The following KCNQ2 variants were observed in gnomAD, a reference collection of about 807,000 sequenced individuals.
KCNQ2 encodes potassium voltage-gated channel subfamily KQT member 2.
In KCNQ2, 14 loss-of-function variants were observed where a neutral mutation model predicts 84.8. The ratio of observed to expected loss-of-function variants is 0.17; its 90% CI spans 0.11 to 0.26. The LOEUF (loss-of-function observed/expected upper bound fraction) is 0.26. Ranked by LOEUF, KCNQ2 falls within the 10% of genes least tolerant of loss-of-function variation. KCNQ2 has a pLI of 1.00. For missense variants in KCNQ2, 788 were observed against 1,254.0 expected (o/e 0.63, Z 5.61); for synonymous variants, 599 against 554.1 (o/e 1.08, Z -1.14).
intron 4 of KCNQ2, among the ~76,000 whole-genome samples, chr20:63,442,890 T>C (rs370435825): frequency 3.7e-3 from 23 of 6,258 alleles, no homozygotes; most frequent in Non-Finnish European, 4.4e-3. Flanking sequence ...ACCACCACCA[T>C]CACCACCATC....
rs200661919 is a variant in KCNQ2, at chr20:63,442,375, G to A, written c.816+31C>T. ...ACAGGGACAGGGGTGTATCAGCAGG[G>A]AAAGGGAAAACCACAATGACCACAA... On this transcript the variant is annotated intron_variant, in intron 5 of 16. Transcript: ENST00000359125. The A allele has an allele frequency of 2.9e-4, 466 of 1,613,764 alleles. 1 individual carries two copies. The African/African-American group carries it at 5.4e-3, about 19-fold the overall frequency.
chr20:63,472,135 G>A, intron 1 of KCNQ2, 33 bp downstream of exon 1: 2 of 1,448,718 alleles, frequency 1.4e-6, no homozygotes, highest in Non-Finnish European at 1.8e-6. Context: ...GGTCGCCATG[G>A]GGGTCGCCAC....
intron 1 of KCNQ2, among the ~76,000 whole-genome samples, chr20:63,452,861 G>A (rs1034998489): frequency 1.3e-5 from 2 of 151,680 alleles, no homozygotes; most frequent in Non-Finnish European, 2.9e-5. Context: ...ACACAGGCCA[G>A]CCAGAATGCC....
At chr20:63,434,623 C>T (rs1211825971) in intron 7 of KCNQ2, 1 of 152,150 alleles carries the variant, frequency 6.6e-6, no homozygotes, top group Non-Finnish European at 1.5e-5. Context: ...TCCCCCAGGC[C>T]CTGGCCACCG....
rs1283866036 is a variant in KCNQ2, at chr20:63,444,369, G to A, written c.690+290C>T. On this transcript the variant is annotated intron_variant, in intron 4 of 16. Transcript: ENST00000359125. ...CACCCAACCACAGAGCCAAGGGTTC[G>A]CGGCAGGAAGGTGGGGGTGGCAGGG... 4.6e-5 allele frequency among the ~76,000 whole-genome samples: 7 copies of A among 152,218 alleles called. No individual in the cohort carries two copies. In the South Asian group the frequency reaches 8.3e-4, roughly 18 times the overall value.
chr20:63,423,036 G>C (rs2080521822), intron 11 of KCNQ2, among the ~76,000 whole-genome samples: 1 of 152,228 alleles, frequency 6.6e-6, no homozygotes, highest in Non-Finnish European at 1.5e-5. Flanking sequence ...GGGAGGCAGT[G>C]GCAGCACTGG....
rs374013648 is a variant in KCNQ2, at chr20:63,431,693, G to A, written c.1119-324C>T. 8.2e-3 allele frequency among the ~76,000 whole-genome samples: 1,245 copies of A among 152,228 alleles called. 16 individuals carry two copies. The highest frequency in any genetic ancestry group is 0.029 in the African/African-American group (1,191 of 41,498). ...GACTGCAAACATCGAGGACCGCCAAGGGCTCTGGCATCCTCCTCCCAAGTG... is the reference window on the plus strand; with the variant it reads ...GACTGCAAACATCGAGGACCGCCAAAGGCTCTGGCATCCTCCTCCCAAGTG... On this transcript the variant is annotated intron_variant, in intron 8 of 16. Coordinates refer to ENST00000359125, the MANE Select transcript of KCNQ2 (RefSeq NM_172107.4).
chr20:63,438,511 C>A lies in KCNQ2; in HGVS notation c.1023+114G>T. The A allele has an allele frequency of 1.2e-6, 1 of 849,426 alleles. No individual in the cohort carries two copies. The highest frequency in any genetic ancestry group is 1.3e-5 in the South Asian group (1 of 75,182). The allele number at this position is 849,426 out of a possible 1,614,324, so 52.6% of individuals were successfully genotyped here. Reference sequence around the variant, plus strand: ...TCCACAGATTCCTGCAGAGGGTGAGCGCTGTGGCCCATCCACAGACAGGGC... The same window carrying A: ...TCCACAGATTCCTGCAGAGGGTGAGAGCTGTGGCCCATCCACAGACAGGGC... On this transcript the variant is annotated intron_variant, in intron 7 of 16. Coordinates refer to ENST00000359125, the MANE Select transcript of KCNQ2 (RefSeq NM_172107.4). This position sits in a 1 kb window ranked among gnomAD's most constrained non-coding sequence, Gnocchi z 5.1.
rs989109986 is a variant in KCNQ2, at chr20:63,452,532, G to A, written c.297-5695C>T. On this transcript the variant is annotated intron_variant, in intron 1 of 16. Coordinates refer to ENST00000359125, the MANE Select transcript of KCNQ2 (RefSeq NM_172107.4). ...TGCACAGCAGCGTCGAGGCAGGTGC[G>A]TGGCCACCAGCCGGGCACCATGGCG... is the stretch of plus-strand genomic sequence containing the variant. 2.6e-5 allele frequency among the ~76,000 whole-genome samples: 4 copies of A among 152,350 alleles called. No individual in the cohort carries two copies. The South Asian group carries it at 6.2e-4, about 24-fold the overall frequency.
At chr20:63,416,272 T>G (rs994280040) in intron 12 of KCNQ2, among the ~76,000 whole-genome samples, 3 of 152,148 alleles carry the variant, frequency 2.0e-5, no homozygotes, top group African/African-American at 7.2e-5. Flanking sequence ...CTCCATACTC[T>G]CGGGGGGTCC....
intron 11 of KCNQ2, among the ~76,000 whole-genome samples, chr20:63,420,765 G>A (rs1211702515): frequency 2.0e-5 from 3 of 152,052 alleles, no homozygotes; most frequent in African/African-American, 7.2e-5. Context: ...GACTCCAAGG[G>A]CGGGTGGCCG....
chr20:63,433,216 C>T (rs1189189637), intron 8 of KCNQ2, among the ~76,000 whole-genome samples: 1 of 152,230 alleles, frequency 6.6e-6, no homozygotes, highest in African/African-American at 2.4e-5. Context: ...GCTAGCACTG[C>T]CTCGACAGGC....
At chr20:63,419,066 G>A (rs1235707339) in intron 12 of KCNQ2, among the ~76,000 whole-genome samples, 3 of 152,102 alleles carry the variant, frequency 2.0e-5, no homozygotes, top group African/African-American at 7.2e-5. Flanking sequence ...CAGGCCAGGA[G>A]CCCACGGTGC....
At chr20:63,421,569 C>T (rs1437264821) in intron 11 of KCNQ2, among the ~76,000 whole-genome samples, 4 of 152,200 alleles carry the variant, frequency 2.6e-5, no homozygotes, top group African/African-American at 4.8e-5. Flanking sequence ...GTCGGACAGG[C>T]GGACAGGCCC....
chr20:63,453,763 G>C (rs1274833574), intron 1 of KCNQ2: 1 of 152,470 alleles, frequency 6.6e-6, no homozygotes. Flanking sequence ...AGGGGGAGAA[G>C]GGGAAGGGCA....
chr20:63,438,617 G>T lies in KCNQ2; in HGVS notation c.1023+8C>A. 6.2e-7 allele frequency: 1 copy of T among 1,612,220 alleles called. No individual in the cohort carries two copies. On this transcript the variant is annotated splice_region_variant and intron_variant, in intron 7 of 16. Coordinates refer to ENST00000359125, the MANE Select transcript of KCNQ2 (RefSeq NM_172107.4). The surrounding 1 kb of genome is among the most constrained non-coding windows in gnomAD (Gnocchi z 5.1). The stretch of plus-strand genomic sequence containing the variant: ...CTGTGCTGGTCCCCGGGGGACACCT[G>T]GACTCACCTGGATCAGGCCTGCTGC...
chr20:63,443,026 C>A (rs1600773429), intron 4 of KCNQ2, among the ~76,000 whole-genome samples: 1 of 82,492 alleles, frequency 1.2e-5, no homozygotes, highest in Non-Finnish European at 2.5e-5. Context: ...CCACCACCAT[C>A]ACATCACCAC....
At chr20:63,436,660 T>C (rs189247265) in intron 7 of KCNQ2, among the ~76,000 whole-genome samples, 1 of 152,334 alleles carries the variant, frequency 6.6e-6, no homozygotes, top group African/African-American at 2.4e-5. Flanking sequence ...CAGGTGATTG[T>C]TAGTATTTTT....
chr20:63,443,310 TCA>T (rs1568937143), intron 4 of KCNQ2, among the ~76,000 whole-genome samples: 1,256 of 19,300 alleles, frequency 0.065, 22 homozygotes, highest in Non-Finnish European at 0.098. Context: ...ACCATCACCA[TCA>T]TCACCACCAC....
Sources: allele counts gnomAD v4.1 joint callset (sites outside exome capture counted in the v4.1 genomes callset), GRCh38; gene constraint gnomAD v4.1.1; non-coding constraint Gnocchi (gnomAD v3.1); transcripts MANE v1.5; gene names NCBI Gene and HGNC (gene_info 2026-07-23, HGNC 2026-07-21).